RBL2: variants seen among roughly 807,000 people sequenced by gnomAD.
RBL2 encodes RB transcriptional corepressor like 2, also known as retinoblastoma-like protein 2.
RBL2 carries 56 observed loss-of-function variants against 126.0 expected under a neutral mutation model. The observed-to-expected ratio is 0.44, with a 90% confidence interval of 0.36 to 0.56. The LOEUF (loss-of-function observed/expected upper bound fraction) is 0.56, where lower values mean the gene tolerates loss of function less well. RBL2 is among the 20% of genes least tolerant of loss of function. RBL2 has a pLI of 0.00. For missense variants in RBL2, 1,229 were observed against 1,398.2 expected, an observed-to-expected ratio of 0.88 and a Z score of 1.93; for synonymous variants, 454 against 478.5, an observed-to-expected ratio of 0.95 and a Z score of 0.67.
chr16:53,459,473 C>T lies in RBL2; in HGVS notation c.1202C>T (p.Thr401Ile), dbSNP rs1303496780. The T allele has an allele frequency of 2.5e-6, 4 of 1,612,754 alleles. No individual in the cohort carries two copies. The African/African-American group carries it at 5.3e-5, about 22-fold the overall frequency. Residue 401 changes from threonine (T) to isoleucine (I), a missense_variant, in exon 9 of 22, where the codon ACA becomes ATA. Physicochemically the swap from Thr to Ile is moderately conservative, Grantham distance 89. Transcript: ENST00000262133. ...FDKSKALRIS[T>I]PLTGVRYIKE... ...TAGTCCAAAGCACTTAGAATCTCCA[C>T]ACCACTAACTGGTGTTAGGTACATT... is the stretch of plus-strand genomic sequence containing the variant.
chr16:53,480,139 C>A (rs1394211352), intron 19 of RBL2, 148 bp downstream of exon 19: 1 of 602,140 alleles, frequency 1.7e-6, no homozygotes, highest in East Asian at 2.9e-5. Context: ...TTCTAGCTGG[C>A]AAAACTGTCC....
At chr16:53,468,318 C>T (rs2058289802) in intron 14 of RBL2, among the ~76,000 whole-genome samples, 1 of 152,100 alleles carries the variant, frequency 6.6e-6, no homozygotes, top group Non-Finnish European at 1.5e-5. Context: ...TGGGGAGGAT[C>T]ACTTGAGCCC....
rs1164052913 is a variant in RBL2 at position 53,434,566 on chromosome 16, G to A, written c.10G>A (p.Gly4Arg). The A allele has an allele frequency of 7.2e-6, 11 of 1,525,650 alleles. No homozygotes were observed. The highest frequency in any genetic ancestry group is 1.2e-5 in the South Asian group (1 of 81,370). The allele number at this position is 1,525,650 out of a possible 1,614,324, so 94.5% of individuals were successfully genotyped here. ...CGCCCAGGGGTGCGCTATGCCGTCG[G>A]GAGGTGACCAGTCGCCACCGCCCCC... is the stretch of plus-strand genomic sequence containing the variant. MPS[G>R]GDQSPPPPPP... Residue 4 changes from glycine to arginine, a missense_variant, in exon 1 of 22, where the codon GGA (glycine) becomes AGA (arginine). Physicochemically the swap from Gly to Arg is moderately radical, Grantham distance 125. This residue lies in a region of RBL2 where 159 missense variants were observed against 123.9 expected (regional missense o/e 1.28). Transcript: ENST00000262133.
chr16:53,435,071 T>A (rs2057943949), intron 1 of RBL2, among the ~76,000 whole-genome samples: 1 of 151,902 alleles, frequency 6.6e-6, no homozygotes, highest in Non-Finnish European at 1.5e-5. Flanking sequence ...TTGAGGAAAA[T>A]GGGTGTGTGT....
At chr16:53,434,858 C>A in intron 1 of RBL2, 62 bp downstream of exon 1, 2 of 1,407,828 alleles carry the variant, frequency 1.4e-6, no homozygotes, top group South Asian at 1.5e-5. Flanking sequence ...CCTTCCGAGC[C>A]GCGTCGCGCG....
chr16:53,442,532 AT>A (rs1325090132), intron 2 of RBL2, 125 bp from the exon 3 acceptor site: 4 of 719,286 alleles, frequency 5.6e-6, no homozygotes, highest in Non-Finnish European at 8.9e-6. Context: ...ATGAGTTGTG[AT>A]TTTATTTCAC....
Position 53,470,157 on chromosome 16 carries a change from T to C in RBL2, c.2217T>C (p.Asn739=), listed in dbSNP as rs1383941147. 6 of 1,611,884 alleles carry C rather than the reference T, an allele frequency of 3.7e-6. No individual in the cohort carries two copies. The highest frequency in any genetic ancestry group is 1.7e-5 in the Admixed American group (1 of 59,950). The change falls in exon 15 of 22, where the codon AAT becomes AAC. Residue 739 remains asparagine, a synonymous_variant. Transcript: ENST00000262133. ...TMATATVTAN[N]GQTVTIPVQG... ...CAACCGCCACTGTCACAGCCAACAATGGGCAAACGGTAACCATTCCTGTGC... is the reference window on the plus strand; with the variant it reads ...CAACCGCCACTGTCACAGCCAACAACGGGCAAACGGTAACCATTCCTGTGC...
At chr16:53,483,592 T>C (rs142207158) in intron 21 of RBL2, among the ~76,000 whole-genome samples, 241 of 151,644 alleles carry the variant, frequency 1.6e-3, no homozygotes, top group African/African-American at 5.5e-3. Context: ...AAAAATCTGT[T>C]AGAAAATGTA....
chr16:53,484,683 G>A (rs1961090684), intron 21 of RBL2, among the ~76,000 whole-genome samples: 1 of 152,170 alleles, frequency 6.6e-6, no homozygotes, highest in Non-Finnish European at 1.5e-5. Flanking sequence ...GGGTTGTGGG[G>A]AATAGAGTTT....
At position 53,481,795 on chromosome 16, in the gene RBL2, G is replaced by A. The variant is rs750888803; in HGVS notation, c.3209G>A (p.Arg1070Gln). Residue 1070 changes from arginine to glutamine, a missense_variant, in exon 21 of 22, where the codon CGA becomes CAA. This residue lies in a region of RBL2 where 1,070 missense variants were observed against 1,274.3 expected (regional missense o/e 0.84). Transcript: ENST00000262133. ...AAAAATGAAACAATGCTTTCTCCTC[G>A]AGAAAAGATTTTCTATTACTTCAGC... ...PHKNETMLSPREKIFYYFSNS... is the reference protein window; with the variant it reads ...PHKNETMLSPQEKIFYYFSNS... 44 of 1,593,598 alleles carry A rather than the reference G, an allele frequency of 2.8e-5. No individual in the cohort carries two copies. In the Admixed American group the frequency reaches 4.3e-4, roughly 16 times the overall value.
chr16:53,470,648 G>A lies in RBL2; in HGVS notation c.2511G>A (p.Ser837=), dbSNP rs772626314. ...GACCCAGGAAGACCAGCTCTTTATC[G>A]CTTTTCTTTAGAAAGGTAATTTTTC... ...SNRPRKTSSL[S]LFFRKVYHLA... is the part of the protein sequence containing the mutation. Residue 837 remains serine, a synonymous_variant, in exon 16 of 22, where the codon TCG becomes TCA. Coordinates refer to ENST00000262133, the MANE Select transcript of RBL2 (RefSeq NM_005611.4). 9 of 1,613,864 alleles carry A rather than the reference G, an allele frequency of 5.6e-6. No homozygotes were observed. Among genetic ancestry groups the A allele is most frequent in the African/African-American group, 4.0e-5 (3 of 75,020 alleles).
At chr16:53,449,586 G>GC (rs1314280605) in intron 4 of RBL2, 2 of 58,802 alleles carry the variant, frequency 3.4e-5, no homozygotes, top group Non-Finnish European at 8.1e-5. Flanking sequence ...ACCGTGTCTC[G>GC]AAAAAAAAAA....
intron 1 of RBL2, among the ~76,000 whole-genome samples, chr16:53,436,374 A>G (rs1160969078): frequency 6.6e-6 from 1 of 152,184 alleles, no homozygotes; most frequent in Admixed American, 6.6e-5. Flanking sequence ...TTATTTTTGA[A>G]AACATGTTTG....
intron 1 of RBL2, among the ~76,000 whole-genome samples, chr16:53,438,644 G>A (rs1412752977): frequency 6.6e-6 from 1 of 151,990 alleles, no homozygotes; most frequent in Non-Finnish European, 1.5e-5. Context: ...AGGAGTTCAA[G>A]ACCAGCCTGG....
Position 53,479,917 on chromosome 16 carries a change from G to T in RBL2, c.2807G>T (p.Arg936Ile). The change falls in exon 19 of 22, where the codon AGA (arginine) becomes ATA (isoleucine). Residue 936 changes from arginine (R) to isoleucine (I), a missense_variant. By Grantham distance (97) the Arg-to-Ile change is moderately conservative. Transcript: ENST00000262133. Reference protein sequence around the residue: ...VYRSVLIKGKRKRRNSGSSDS... With the variant: ...VYRSVLIKGKIKRRNSGSSDS... ...AGAAGTGTTTTGATAAAAGGGAAAA[G>T]AAAAAGAAGAAATTCTGGCAGCAGT... is the stretch of plus-strand genomic sequence containing the variant. The T allele has an allele frequency of 1.9e-6, 3 of 1,610,056 alleles. No individual in the cohort carries two copies. The African/African-American group carries it at 4.0e-5, about 22-fold the overall frequency.
chr16:53,489,961 CCAGCTGAAAAGTAAAGT>C (rs1238195640), intron 21 of RBL2, 152 bp from the exon 22 acceptor site: 1 of 454,506 alleles, frequency 2.2e-6, no homozygotes, highest in Non-Finnish European at 3.7e-6. Context: ...TCGGCCTCAG[CCAGCTGAAAAGTAAAGT>C]TGGCAGGTTA....
chr16:53,452,200 A>G (rs1348599962), intron 5 of RBL2, among the ~76,000 whole-genome samples: 1 of 152,218 alleles, frequency 6.6e-6, no homozygotes, highest in African/African-American at 2.4e-5. Flanking sequence ...AAAGAATCTT[A>G]CTTCAAATTT....
intron 17 of RBL2, among the ~76,000 whole-genome samples, chr16:53,475,171 C>A (rs76774351): frequency 0.016 from 2,441 of 152,154 alleles, 73 homozygotes; most frequent in African/African-American, 0.056. Context: ...CTTTTTTATT[C>A]TTTAAGGTCA....
At chr16:53,447,440 A>C in intron 4 of RBL2, among the ~76,000 whole-genome samples, 1 of 152,116 alleles carries the variant, frequency 6.6e-6, no homozygotes. Context: ...CATGAGATGT[A>C]TCTTATTTAG....
Sources: allele counts gnomAD v4.1 joint callset (sites outside exome capture counted in the v4.1 genomes callset), GRCh38; gene constraint gnomAD v4.1.1; regional missense constraint gnomAD v4.1.1; transcripts MANE v1.5; gene names NCBI Gene and HGNC (gene_info 2026-07-23, HGNC 2026-07-21).